PI4K2B: variants seen among roughly 807,000 people sequenced by gnomAD.
The protein encoded by PI4K2B is phosphatidylinositol 4-kinase type 2-beta.
In PI4K2B, 46 loss-of-function variants were observed where a neutral mutation model predicts 56.6. The ratio of observed to expected loss-of-function variants is 0.81; its 90% CI spans 0.64 to 1.04. The LOEUF (loss-of-function observed/expected upper bound fraction) is 1.04. Ranked by LOEUF, PI4K2B falls within the 50% of genes least tolerant of loss-of-function variation. The probability of loss-of-function intolerance (pLI) is 0.00; values close to 1 mark genes in which losing one functional copy is unlikely to be tolerated. For synonymous variants in PI4K2B, 211 were observed against 223.8 expected (o/e 0.94, Z 0.51); for missense variants, 556 against 607.7 (o/e 0.91, Z 0.89).
chr4:25,263,894 C>A, intron 7 of PI4K2B, 45 bp downstream of exon 7: 3 of 826,720 alleles, frequency 3.6e-6, no homozygotes, highest in African/African-American at 1.7e-5. Context: ...TACCTTTTTT[C>A]CAGAATGAGA....
At chr4:25,260,695 T>C (rs1716440638) in intron 6 of PI4K2B, 104 bp downstream of exon 6, 1 of 274,230 alleles carries the variant, frequency 3.6e-6, no homozygotes, top group African/African-American at 2.3e-5. Flanking sequence ...TAATTGTGTA[T>C]AACTTGTGAA....
intron 9 of PI4K2B, among the ~76,000 whole-genome samples, chr4:25,272,451 G>A (rs1191485709): frequency 6.6e-6 from 1 of 152,080 alleles, no homozygotes; most frequent in Non-Finnish European, 1.5e-5. Flanking sequence ...AATATGTCCT[G>A]ACCATGTACA....
chr4:25,277,020 A>G lies in PI4K2B; in HGVS notation c.1279A>G (p.Asn427Asp). The change falls in exon 10 of 10, where the codon AAC becomes GAC. Residue 427 changes from asparagine to aspartate, a missense_variant. Physicochemically the swap from Asn to Asp is conservative, Grantham distance 23 (BLOSUM62 1). Coordinates refer to ENST00000264864, the MANE Select transcript of PI4K2B (RefSeq NM_018323.4). ...ATCTCTCTTCTTCCCACAGATCTTA[A>G]ACCTTACTCAGGCATTGAGAGACGG... ...QMSVMRGQIL[N>D]LTQALRDGKS... The G allele has an allele frequency of 1.9e-6, 3 of 1,579,932 alleles. No homozygotes were observed. The highest frequency in any genetic ancestry group is 2.6e-6 in the Non-Finnish European group (3 of 1,156,360).
At chr4:25,245,951 T>G (rs1052740230) in intron 1 of PI4K2B, among the ~76,000 whole-genome samples, 4 of 152,148 alleles carry the variant, frequency 2.6e-5, no homozygotes, top group African/African-American at 9.7e-5. Context: ...TCTCACTGAC[T>G]TCAAGAATGA....
chr4:25,270,989 A>T (rs182276163), intron 9 of PI4K2B, among the ~76,000 whole-genome samples: 1 of 152,200 alleles, frequency 6.6e-6, no homozygotes, highest in Non-Finnish European at 1.5e-5. Flanking sequence ...AGTGCTGGCA[A>T]CTAGTCACTG....
chr4:25,260,613 TATATATATA>T (rs2109018394), intron 6 of PI4K2B, 22 bp downstream of exon 6: 2 of 227,236 alleles, frequency 8.8e-6, no homozygotes, highest in African/African-American at 8.1e-5. Context: ...TACAATTTTA[TATATATATA>T]TATATATATA....
chr4:25,248,617 A>T (rs1303062943), intron 1 of PI4K2B, among the ~76,000 whole-genome samples: 1 of 151,552 alleles, frequency 6.6e-6, no homozygotes, highest in Non-Finnish European at 1.5e-5. Context: ...TTTTTACATT[A>T]AATGTTTATT....
chr4:25,278,172 A>G lies in PI4K2B; in HGVS notation c.*985A>G, dbSNP rs1431975446. 1.3e-5 allele frequency: 2 copies of G among 152,220 alleles called. No individual in the cohort carries two copies. The highest frequency in any genetic ancestry group is 4.8e-5 in the African/African-American group (2 of 41,462). The allele number at this position is 152,220 out of a possible 1,614,324, so 9.4% of individuals were successfully genotyped here. On this transcript the variant is annotated 3_prime_UTR_variant, in exon 10 of 10. Transcript: ENST00000264864. ...ACAGTCAAATGTAGACTATCAGGCCAAATTAAAGGGGAGCATGGCAGATAA... is the reference window on the plus strand; with the variant it reads ...ACAGTCAAATGTAGACTATCAGGCCGAATTAAAGGGGAGCATGGCAGATAA...
At chr4:25,241,027 G>T (rs1221566443) in intron 1 of PI4K2B, among the ~76,000 whole-genome samples, 2 of 151,972 alleles carry the variant, frequency 1.3e-5, no homozygotes, top group African/African-American at 4.8e-5. Flanking sequence ...TGATGGCTTT[G>T]GCAGTGTAAG....
At chr4:25,243,328 G>T (rs1446258381) in intron 1 of PI4K2B, among the ~76,000 whole-genome samples, 1 of 152,210 alleles carries the variant, frequency 6.6e-6, no homozygotes, top group Non-Finnish European at 1.5e-5. Context: ...ACATGGATGA[G>T]GGGGCAGCTT....
At chr4:25,252,946 C>A (rs1185212886) in intron 2 of PI4K2B, among the ~76,000 whole-genome samples, 2 of 152,148 alleles carry the variant, frequency 1.3e-5, no homozygotes, top group Non-Finnish European at 2.9e-5. Flanking sequence ...CACTCTAGTG[C>A]TTAGAAACAG....
chr4:25,264,188 A>G (rs1394260782), intron 7 of PI4K2B, among the ~76,000 whole-genome samples: 4 of 152,198 alleles, frequency 2.6e-5, no homozygotes, highest in Non-Finnish European at 5.9e-5. Context: ...CACTTCTAAA[A>G]CAATTTAGGC....
intron 9 of PI4K2B, chr4:25,276,404 C>G (rs75770738): frequency 4.0e-6 from 1 of 248,790 alleles, no homozygotes; most frequent in African/African-American, 2.3e-5. Flanking sequence ...AATTCTCTAA[C>G]CTATTTGCCC....
chr4:25,234,515 C>G (rs1442682265), intron 1 of PI4K2B, 84 bp downstream of exon 1: 1 of 1,015,224 alleles, frequency 9.9e-7, no homozygotes, highest in Non-Finnish European at 1.3e-6. Flanking sequence ...CCCGCGCGCG[C>G]TGGCCGAGGT....
At chr4:25,252,741 T>G (rs1973604) in intron 2 of PI4K2B, among the ~76,000 whole-genome samples, 29,808 of 152,078 alleles carry the variant, frequency 0.2, 3,190 homozygotes, top group African/African-American at 0.27. Flanking sequence ...GCCTCCCAAG[T>G]AGGTGGGACC....
At chr4:25,247,328 C>A (rs2109091208) in intron 1 of PI4K2B, among the ~76,000 whole-genome samples, 1 of 152,364 alleles carries the variant, frequency 6.6e-6, no homozygotes, top group South Asian at 2.1e-4. Context: ...TATTTCTCAA[C>A]CAGTGCATAT....
At chr4:25,252,031 G>A (rs550431407) in intron 1 of PI4K2B, among the ~76,000 whole-genome samples, 1 of 152,206 alleles carries the variant, frequency 6.6e-6, no homozygotes, top group South Asian at 2.1e-4. Context: ...TGCCATGTTG[G>A]CCAGGCTGGT....
chr4:25,239,738 G>A (rs929621455), intron 1 of PI4K2B, among the ~76,000 whole-genome samples: 13 of 152,216 alleles, frequency 8.5e-5, no homozygotes, highest in South Asian at 2.1e-4. Flanking sequence ...CGCCGAGGCC[G>A]AGGAGGCGCC....
intron 1 of PI4K2B, among the ~76,000 whole-genome samples, chr4:25,234,683 C>T (rs1216409477): frequency 6.6e-6 from 1 of 152,234 alleles, no homozygotes; most frequent in African/African-American, 2.4e-5. Context: ...GACCTCCCCG[C>T]AAAGTGAGTC....
Sources: gnomAD v4.1 joint callset for allele counts (sites outside exome capture counted in the v4.1 genomes callset) on GRCh38, gnomAD v4.1.1 for gene constraint, MANE v1.5 for transcripts, NCBI Gene and HGNC (gene_info 2026-07-23, HGNC 2026-07-21) for gene names.